Variants in GPLD1 observed in about 807,000 individuals in gnomAD.
The protein encoded by GPLD1 is glycosylphosphatidylinositol specific phospholipase D1.
In GPLD1, 84 loss-of-function variants were observed where a neutral mutation model predicts 112.6. That is an observed-to-expected ratio of 0.75 (90% confidence interval 0.63 to 0.89). The LOEUF is 0.89. GPLD1 is among the 40% of genes least tolerant of loss of function. The pLI is 0.00. For missense variants in GPLD1, 1,044 were observed against 1,051.5 expected (o/e 0.99, Z 0.10); for synonymous variants, 386 against 403.8 (o/e 0.96, Z 0.53).
In GPLD1 at chr6:24,428,874, G is replaced by A. The variant is rs908556056; in HGVS notation, c.*158C>T. On this transcript the variant is annotated 3_prime_UTR_variant, in exon 25 of 25. Coordinates refer to ENST00000230036, the MANE Select transcript of GPLD1 (RefSeq NM_001503.4). ...ATTTACTGTATCAGATTTCCAGAGG[G>A]TGTGGCTGTTAGTGTGTCTCTCTAC... is the stretch of plus-strand genomic sequence containing the variant. The A allele has an allele frequency of 4.0e-6, 2 of 503,038 alleles. No individual in the cohort carries two copies. The highest frequency in any genetic ancestry group is 7.2e-6 in the Non-Finnish European group (2 of 278,632). 31.2% of individuals were successfully genotyped at this position (503,038 alleles called of 1,614,324 possible).
At position 24,429,114 on chromosome 6, in the gene GPLD1, T is replaced by G. The variant is rs1762326086; in HGVS notation, c.2441A>C (p.Gln814Pro). Reference sequence around the variant, plus strand: ...ACTCCTTCCAGCAGCAATGACGACTTGGTTCTGTAAGGGACACAAGACAGA... The same window carrying G: ...ACTCCTTCCAGCAGCAATGACGACTGGGTTCTGTAAGGGACACAAGACAGA... ...LITVRSKAKN[Q>P]VVIAAGRSSL... Residue 814 changes from glutamine to proline, a missense_variant, in exon 25 of 25, where the codon CAA becomes CCA. Physicochemically the swap from Gln to Pro is moderately conservative, Grantham distance 76 (BLOSUM62 -1). Coordinates refer to ENST00000230036, the MANE Select transcript of GPLD1 (RefSeq NM_001503.4). The G allele has an allele frequency of 6.2e-7, 1 of 1,609,678 alleles. No homozygotes were observed. The highest frequency in any genetic ancestry group is 1.3e-5 in the African/African-American group (1 of 74,916).
intron 20 of GPLD1, among the ~76,000 whole-genome samples, chr6:24,441,112 G>A (rs941933582): frequency 1.3e-5 from 2 of 151,218 alleles, no homozygotes; most frequent in African/African-American, 4.9e-5. Context: ...AGACCAGCCT[G>A]GCCAACATGG....
intron 20 of GPLD1, among the ~76,000 whole-genome samples, chr6:24,442,420 TAA>T (rs1431719039): frequency 9.8e-5 from 13 of 132,686 alleles, no homozygotes; most frequent in East Asian, 6.8e-4. Flanking sequence ...CACATCTGGC[TAA>T]TTTTTTTTTT....
At chr6:24,463,217 TTAAATAGCTAATGAAGGATCCCCTTTTA>T in intron 10 of GPLD1, among the ~76,000 whole-genome samples, 1 of 152,128 alleles carries the variant, frequency 6.6e-6, no homozygotes, top group South Asian at 2.1e-4. Flanking sequence ...ATTTCAATAA[TTAAATAGCTAATGAAGGATCCCCTTTTA>T]CAAGTGAAAA....
chr6:24,474,169 C>CCACA (rs1274637237), intron 5 of GPLD1, among the ~76,000 whole-genome samples: 5 of 74,280 alleles, frequency 6.7e-5, no homozygotes, highest in Admixed American at 2.7e-4. Flanking sequence ...AAAACCACAC[C>CCACA]CACATACACA....
At chr6:24,445,868 C>T (rs1368585941) in intron 18 of GPLD1, 37 bp from the exon 19 acceptor site, 1 of 1,409,976 alleles carries the variant, frequency 7.1e-7, no homozygotes, top group South Asian at 1.1e-5. Flanking sequence ...TGCCAGGGCA[C>T]AAGACTGACA....
intron 22 of GPLD1, among the ~76,000 whole-genome samples, chr6:24,433,964 A>T (rs542547614): frequency 4.6e-5 from 7 of 152,312 alleles, no homozygotes; most frequent in East Asian, 1.9e-4. Context: ...CAATTGACTA[A>T]CAATGGTTGC....
At chr6:24,437,892 A>C (rs1417750469) in intron 20 of GPLD1, among the ~76,000 whole-genome samples, 1 of 152,150 alleles carries the variant, frequency 6.6e-6, no homozygotes, top group Non-Finnish European at 1.5e-5. Flanking sequence ...AGCCTTTCCT[A>C]ATCTCGCTGG....
chr6:24,474,884 G>A (rs1162286163), intron 5 of GPLD1, among the ~76,000 whole-genome samples: 2 of 150,924 alleles, frequency 1.3e-5, no homozygotes, highest in East Asian at 3.9e-4. Flanking sequence ...AGGTTGCAGT[G>A]AGCCAAGATC....
downstream of GPLD1, chr6:24,425,173 GCA>G (rs1762190227): frequency 6.6e-6 from 1 of 152,138 alleles, no homozygotes; most frequent in Admixed American, 6.6e-5. Context: ...ATTTCACAGG[GCA>G]CACTTTTGGC....
Position 24,472,639 on chromosome 6 carries a change from AGGGTATGAGAAAAATATTGACATTTG to A in GPLD1, c.491-29_491-4del, listed in dbSNP as rs756283475. 1 of 1,561,412 alleles carries A rather than the reference AGGGTATGAGAAAAATATTGACATTTG, an allele frequency of 6.4e-7. No individual in the cohort carries two copies. Among genetic ancestry groups the A allele is most frequent in the Non-Finnish European group, 8.8e-7 (1 of 1,132,470 alleles). On this transcript the variant is annotated splice_polypyrimidine_tract_variant and splice_region_variant and intron_variant, in intron 6 of 24. Transcript: ENST00000230036. The stretch of plus-strand genomic sequence containing the variant: ...AAACTGGCTCAACACATCTCCTCCT[AGGGTATGAGAAAAATATTGACATTTG>A]GTGGATTAGTGACAAACATAGCATG...
Position 24,437,354 on chromosome 6 carries a change from A to G in GPLD1, c.2021-65T>C, listed in dbSNP as rs537195473. ...AAGGCATTACAGAACACGGAATAGC[A>G]CCCCATCCTCAAGTGACACTGATCA... On this transcript the variant is annotated intron_variant, in intron 20 of 24. Transcript: ENST00000230036. The G allele has an allele frequency of 4.9e-6, 7 of 1,436,328 alleles. No homozygotes were observed. The Admixed American group carries it at 1.2e-4, about 25-fold the overall frequency. 89.0% of individuals were successfully genotyped at this position (1,436,328 alleles called of 1,614,324 possible).
chr6:24,453,006 C>T (rs1439909443), intron 14 of GPLD1, among the ~76,000 whole-genome samples: 1 of 151,784 alleles, frequency 6.6e-6, no homozygotes, highest in Non-Finnish European at 1.5e-5. Context: ...GTCTACCCCA[C>T]CCCCCCACGC....
At chr6:24,447,379 G>A (rs762013236) in intron 17 of GPLD1, among the ~76,000 whole-genome samples, 5 of 151,966 alleles carry the variant, frequency 3.3e-5, no homozygotes, top group Non-Finnish European at 5.9e-5. Flanking sequence ...GGTGGCATGC[G>A]CCTGTAGTCC....
At chr6:24,430,879 G>C (rs574281305) in intron 24 of GPLD1, among the ~76,000 whole-genome samples, 1 of 152,156 alleles carries the variant, frequency 6.6e-6, no homozygotes, top group African/African-American at 2.4e-5. Context: ...ACAATAATTA[G>C]GAAGGTACAT....
intron 24 of GPLD1, among the ~76,000 whole-genome samples, chr6:24,431,956 T>A (rs1354775952): frequency 6.6e-6 from 1 of 152,052 alleles, no homozygotes; most frequent in Non-Finnish European, 1.5e-5. Flanking sequence ...AAGCTACACA[T>A]ACGTACAAGA....
chr6:24,441,388 T>C (rs1443531274), intron 20 of GPLD1, among the ~76,000 whole-genome samples: 1 of 152,004 alleles, frequency 6.6e-6, no homozygotes, highest in Non-Finnish European at 1.5e-5. Context: ...AACTGCACAC[T>C]GAAGCGCTTC....
Position 24,445,793 on chromosome 6 carries a change from C to T in GPLD1, c.1859G>A (p.Ser620Asn). The change falls in exon 19 of 25, where the codon AGC becomes AAC. Residue 620 changes from serine to asparagine, a missense_variant. Transcript: ENST00000230036. ...GAAGTAGCCATACACCCTCCCAAGG[C>T]TCTTTTTCTCATCTCGGATGTGTAA... ...HLLHIRDEKK[S>N]LGRVYGYFPP... 4 of 1,613,770 alleles carry T rather than the reference C, an allele frequency of 2.5e-6. No homozygotes were observed. Among genetic ancestry groups the T allele is most frequent in the Non-Finnish European group, 3.4e-6 (4 of 1,179,884 alleles).
intron 10 of GPLD1, among the ~76,000 whole-genome samples, chr6:24,464,920 T>C (rs1348761213): frequency 1.3e-5 from 2 of 152,124 alleles, no homozygotes; most frequent in African/African-American, 4.8e-5. Flanking sequence ...GGGCCAGGCA[T>C]GGTGGCTCAC....
Sources: gnomAD v4.1 joint callset for allele counts (sites outside exome capture counted in the v4.1 genomes callset) on GRCh38, gnomAD v4.1.1 for gene constraint, MANE v1.5 for transcripts, NCBI Gene and HGNC (gene_info 2026-07-23, HGNC 2026-07-21) for gene names.